The following WFDC13 variants were observed in gnomAD, a reference collection of about 807,000 sequenced individuals.
WFDC13 encodes the protein WAP four-disulfide core domain 13, also known as WAP four-disulfide core domain protein 13.
Under a neutral mutation model 10.9 loss-of-function variants are expected in WFDC13, and 6 were observed. That is an observed-to-expected ratio of 0.55 (90% CI 0.30 to 1.09). The LOEUF is 1.09. Ranked by LOEUF, WFDC13 falls within the 50% of genes least tolerant of loss-of-function variation. WFDC13 has a pLI of 0.06. For synonymous variants in WFDC13, 38 were observed against 39.5 expected, an observed-to-expected ratio of 0.96 and a Z score of 0.14; for missense variants, 104 against 109.6, an observed-to-expected ratio of 0.95 and a Z score of 0.23.
intron 3 of WFDC13, among the ~76,000 whole-genome samples, chr20:45,706,222 C>T (rs1568676835): frequency 1.3e-5 from 2 of 152,198 alleles, no homozygotes; most frequent in East Asian, 3.9e-4. Context: ...ACAAGCTCTT[C>T]TAGCCTCCGG....
chr20:45,707,335 C>T (rs996083525), intron 3 of WFDC13, among the ~76,000 whole-genome samples: 1 of 152,156 alleles, frequency 6.6e-6, no homozygotes, highest in Non-Finnish European at 1.5e-5. Flanking sequence ...ATATGTGGTT[C>T]GAGTTGACCT....
intron 2 of WFDC13, 99 bp downstream of exon 2, chr20:45,704,693 T>C: frequency 6.6e-7 from 1 of 1,514,846 alleles, no homozygotes; most frequent in South Asian, 1.3e-5. Flanking sequence ...TCTCCTTTTT[T>C]TTTTTTTTCC....
At chr20:45,705,535 T>C (rs1984356670) in intron 2 of WFDC13, among the ~76,000 whole-genome samples, 1 of 152,200 alleles carries the variant, frequency 6.6e-6, no homozygotes, top group Non-Finnish European at 1.5e-5. Context: ...ACAATAATAG[T>C]GAGGTTAAAA....
At position 45,707,928 on chromosome 20, in the gene WFDC13, T is replaced by C. The variant is rs1485554188; in HGVS notation, c.*93T>C. On this transcript the variant is annotated 3_prime_UTR_variant, in exon 4 of 4. Coordinates refer to ENST00000305479, the MANE Select transcript of WFDC13 (RefSeq NM_172005.2). ...GAAGCAAGAAACTGGAGGCCCAATA[T>C]CTAACCTGCAAATCGTTTTTGAGTT... The C allele has an allele frequency of 6.6e-6, 1 of 152,172 alleles. No individual in the cohort carries two copies. Among genetic ancestry groups the C allele is most frequent in the South Asian group, 2.1e-4 (1 of 4,832 alleles). 9.4% of individuals were successfully genotyped at this position (152,172 alleles called of 1,614,324 possible).
rs1600970180 is a variant in WFDC13, at chr20:45,705,760, C to T, written c.240-103C>T. 5 of 1,108,944 alleles carry T rather than the reference C, an allele frequency of 4.5e-6. No homozygotes were observed. The East Asian group carries it at 1.3e-4, about 29-fold the overall frequency. 68.7% of individuals were successfully genotyped at this position (1,108,944 alleles called of 1,614,324 possible). On this transcript the variant is annotated intron_variant, in intron 2 of 3. Coordinates refer to ENST00000305479, the MANE Select transcript of WFDC13 (RefSeq NM_172005.2). ...CCTTCCCTATGGCAAGAGAAATGAG[C>T]TTCATGGTCTAATATTAATGGTGGA... is the stretch of plus-strand genomic sequence containing the variant.
At chr20:45,705,755 A>C (rs232291) in intron 2 of WFDC13, 108 bp from the exon 3 acceptor site, 526,783 of 1,053,792 alleles carry the variant, frequency 0.5, 139,883 homozygotes, top group African/African-American at 0.83. Context: ...GGCAAGAGAA[A>C]TGAGCTTCAT....
At chr20:45,704,359 C>A in intron 1 of WFDC13, 85 bp from the exon 2 acceptor site, 1 of 1,520,482 alleles carries the variant, frequency 6.6e-7, no homozygotes, top group South Asian at 1.3e-5. Context: ...TGGCAGGTTT[C>A]CTGGCAGTTC....
chr20:45,706,785 G>C (rs946221817), intron 3 of WFDC13, among the ~76,000 whole-genome samples: 4 of 148,898 alleles, frequency 2.7e-5, no homozygotes, highest in African/African-American at 1.0e-4. Context: ...AAAAAAAAAA[G>C]AGGGAGTGGG....
chr20:45,705,994 T>C (rs911990134), intron 3 of WFDC13, 67 bp downstream of exon 3: 6 of 1,391,252 alleles, frequency 4.3e-6, no homozygotes, highest in African/African-American at 1.4e-5. Context: ...TTTCTTCCTG[T>C]AGCCTCACCA....
intron 2 of WFDC13, chr20:45,705,014 G>C: frequency 6.2e-7 from 1 of 1,612,360 alleles, no homozygotes; most frequent in South Asian, 1.1e-5. Context: ...AGTGTTCTTG[G>C]GCTCTGGAGA....
chr20:45,706,026 CT>C (rs1984377234), intron 3 of WFDC13, 99 bp downstream of exon 3: 3 of 1,012,072 alleles, frequency 3.0e-6, no homozygotes, highest in Non-Finnish European at 4.5e-6. Flanking sequence ...TTCCCACAAG[CT>C]CAGAATGGCC....
At chr20:45,704,322 C>G in intron 1 of WFDC13, 122 bp from the exon 2 acceptor site, 1 of 1,375,620 alleles carries the variant, frequency 7.3e-7, no homozygotes, top group Non-Finnish European at 9.8e-7. Flanking sequence ...ATGCCACCAC[C>G]CTGGAACCAT....
chr20:45,702,068 C>A lies in WFDC13; in HGVS notation c.-56C>A. The A allele has an allele frequency of 6.5e-7, 1 of 1,538,054 alleles. No individual in the cohort carries two copies. The highest frequency in any genetic ancestry group is 8.9e-7 in the Non-Finnish European group (1 of 1,125,220). ...TCCTTCTCTTCTCCTCACAGCAGTGCCTGGTCAAACCCAGCAACCCTTGGC... is the reference window on the plus strand; with the variant it reads ...TCCTTCTCTTCTCCTCACAGCAGTGACTGGTCAAACCCAGCAACCCTTGGC... On this transcript the variant is annotated 5_prime_UTR_variant, in exon 1 of 4. Coordinates refer to ENST00000305479, the MANE Select transcript of WFDC13 (RefSeq NM_172005.2).
intron 3 of WFDC13, among the ~76,000 whole-genome samples, chr20:45,707,455 T>C (rs1984441806): frequency 6.6e-6 from 1 of 152,134 alleles, no homozygotes. Flanking sequence ...TAAATGTTAA[T>C]TCATATGAAT....
At chr20:45,704,359 C>T in intron 1 of WFDC13, 85 bp from the exon 2 acceptor site, 1 of 1,520,482 alleles carries the variant, frequency 6.6e-7, no homozygotes. Flanking sequence ...TGGCAGGTTT[C>T]CTGGCAGTTC....
At chr20:45,702,334 A>G in intron 1 of WFDC13, 123 bp downstream of exon 1, 1 of 993,608 alleles carries the variant, frequency 1.0e-6, no homozygotes, top group Non-Finnish European at 1.5e-6. Context: ...CCCAAGCTTT[A>G]TTGTTGGCAA....
chr20:45,707,018 C>A (rs1325785091), intron 3 of WFDC13, among the ~76,000 whole-genome samples: 5 of 152,170 alleles, frequency 3.3e-5, no homozygotes, highest in Admixed American at 1.3e-4. Flanking sequence ...TTTTATTAAC[C>A]CTGTACAAAG....
At chr20:45,707,433 C>T (rs576860240) in intron 3 of WFDC13, among the ~76,000 whole-genome samples, 5 of 152,138 alleles carry the variant, frequency 3.3e-5, no homozygotes, top group South Asian at 4.2e-4. Flanking sequence ...GCACTGGTCA[C>T]GAGAGGCTAT....
At chr20:45,705,037 G>T in intron 2 of WFDC13, 1 of 1,596,626 alleles carries the variant, frequency 6.3e-7, no homozygotes, top group South Asian at 1.1e-5. Context: ...CAGCCCAAAG[G>T]AAGTTTTGAT....
Sources: allele counts gnomAD v4.1 joint callset (sites outside exome capture counted in the v4.1 genomes callset), GRCh38; gene constraint gnomAD v4.1.1; transcripts MANE v1.5; gene names NCBI Gene and HGNC (gene_info 2026-07-23, HGNC 2026-07-21).